SPAG9: variants seen among roughly 807,000 people sequenced by gnomAD.
The protein encoded by SPAG9 is C-Jun-amino-terminal kinase-interacting protein 4.
SPAG9 carries 35 observed loss-of-function variants against 166.5 expected under a neutral mutation model. That is an observed-to-expected ratio of 0.21 (90% CI 0.16 to 0.28). The LOEUF (loss-of-function observed/expected upper bound fraction) is 0.28. Among genes scored for constraint, SPAG9 ranks in the 10% least tolerant of loss-of-function variants. The probability of loss-of-function intolerance (pLI) is 1.00; values close to 1 mark genes in which losing one functional copy is unlikely to be tolerated. For missense variants in SPAG9, 1,235 were observed against 1,603.3 expected (o/e 0.77, Z 3.92); for synonymous variants, 534 against 565.5 (o/e 0.94, Z 0.79).
intron 4 of SPAG9, among the ~76,000 whole-genome samples, chr17:51,044,256 G>A (rs1033344383): frequency 5.3e-5 from 8 of 152,158 alleles, no homozygotes; most frequent in Non-Finnish European, 1.0e-4. Context: ...CATTAGTCCA[G>A]TACTATGTTG....
At chr17:50,972,447 T>C (rs971454309) in intron 28 of SPAG9, among the ~76,000 whole-genome samples, 2 of 152,238 alleles carry the variant, frequency 1.3e-5, no homozygotes, top group African/African-American at 4.8e-5. Flanking sequence ...AAATGTGCTG[T>C]TTGTTCTAAA....
chr17:51,032,201 G>A (rs944869659), intron 5 of SPAG9, among the ~76,000 whole-genome samples: 9 of 152,060 alleles, frequency 5.9e-5, no homozygotes, highest in Middle Eastern at 3.4e-3. Context: ...CACTCCTGTC[G>A]TCCAGGCTGG....
In SPAG9 at chr17:50,979,929, T is replaced by A. The variant is rs1176824716; in HGVS notation, c.3238-12A>T. ...GCATCAAAAGATTTCTAGGAGAGAT[T>A]GTCCAATCACAAAGTTACTTTTGCT... On this transcript the variant is annotated splice_polypyrimidine_tract_variant and intron_variant, in intron 25 of 29. Coordinates refer to ENST00000262013, the MANE Select transcript of SPAG9 (RefSeq NM_001130528.3). The A allele has an allele frequency of 6.2e-7, 1 of 1,605,328 alleles. No homozygotes were observed. The highest frequency in any genetic ancestry group is 1.3e-5 in the African/African-American group (1 of 74,780).
intron 23 of SPAG9, 78 bp downstream of exon 23, chr17:50,985,620 T>G: frequency 1.3e-6 from 1 of 767,800 alleles, no homozygotes; most frequent in South Asian, 1.7e-5. Flanking sequence ...AAACATGTAT[T>G]AGCTTTCAAA....
intron 2 of SPAG9, among the ~76,000 whole-genome samples, chr17:51,058,491 G>A (rs1053500379): frequency 2.0e-5 from 3 of 152,198 alleles, no homozygotes; most frequent in Non-Finnish European, 4.4e-5. Flanking sequence ...TCCAGAATCT[G>A]TGTTCTTAAT....
rs1469642595 is a variant in SPAG9, at chr17:50,964,718, GA to G, written c.*1553del. The G allele has an allele frequency of 2.2e-6, 1 of 450,854 alleles. No individual in the cohort carries two copies. Among genetic ancestry groups the G allele is most frequent in the Admixed American group, 2.4e-5 (1 of 41,714 alleles). The allele number at this position is 450,854 out of a possible 1,614,324, so 27.9% of individuals were successfully genotyped here. On this transcript the variant is annotated 3_prime_UTR_variant, in exon 30 of 30. Coordinates refer to ENST00000262013, the MANE Select transcript of SPAG9 (RefSeq NM_001130528.3). ...TGGTTTTAAAAAACTTATTAAGCAA[GA>G]AAATCAGTGAAATCCAGACTTTAAT...
At chr17:50,982,715 T>C in intron 24 of SPAG9, 43 bp from the exon 25 acceptor site, 2 of 1,506,502 alleles carry the variant, frequency 1.3e-6, no homozygotes, top group Non-Finnish European at 1.8e-6. Context: ...ATACCACCTG[T>C]TACTCAATTT....
In SPAG9 at chr17:51,056,483, C is replaced by G; in HGVS notation, c.425-1G>C. 1 of 1,586,520 alleles carries G rather than the reference C, an allele frequency of 6.3e-7. No homozygotes were observed. The highest frequency in any genetic ancestry group is 8.7e-7 in the Non-Finnish European group (1 of 1,155,794). On this transcript the variant is annotated splice_acceptor_variant, in intron 2 of 29. Coordinates refer to ENST00000262013, the MANE Select transcript of SPAG9 (RefSeq NM_001130528.3). LOFTEE classifies it high-confidence loss of function. ...GCTTCTCTTTCTTCAAGTCTGCTAA[C>G]TGAAATTAAGATACATACACTTGAT...
chr17:51,080,631 C>T (rs1353811760), intron 1 of SPAG9, among the ~76,000 whole-genome samples: 1 of 152,068 alleles, frequency 6.6e-6, no homozygotes, highest in Non-Finnish European at 1.5e-5. Flanking sequence ...GCCTGTAATC[C>T]TAGCACTTTG....
At chr17:51,093,711 A>G (rs866230938) in intron 1 of SPAG9, among the ~76,000 whole-genome samples, 60 of 151,374 alleles carry the variant, frequency 4.0e-4, no homozygotes, top group Non-Finnish European at 6.8e-4. Context: ...AAAAAAAAAA[A>G]AAAAGAAAAT....
chr17:51,033,086 A>AT (rs1426450116), intron 5 of SPAG9, among the ~76,000 whole-genome samples: 4 of 151,642 alleles, frequency 2.6e-5, no homozygotes, highest in East Asian at 1.9e-4. Context: ...AGTTAAGGTG[A>AT]TTTTTTTAAT....
intron 13 of SPAG9, among the ~76,000 whole-genome samples, chr17:51,000,968 A>T (rs978617475): frequency 6.6e-6 from 1 of 152,198 alleles, no homozygotes; most frequent in African/African-American, 2.4e-5. Context: ...CAAATTGTAA[A>T]ATGATATGTT....
intron 1 of SPAG9, among the ~76,000 whole-genome samples, chr17:51,119,216 T>C (rs1217640832): frequency 6.6e-6 from 1 of 152,192 alleles, no homozygotes; most frequent in African/African-American, 2.4e-5. Context: ...TTTAATGGTG[T>C]TACTATTCAG....
chr17:50,996,575 T>C lies in SPAG9; in HGVS notation c.1958A>G (p.Lys653Arg), dbSNP rs1463151443. The change falls in exon 16 of 30, where the codon AAG becomes AGG. Residue 653 changes from lysine to arginine, a missense_variant. Physicochemically the swap from Lys to Arg is conservative, Grantham distance 26. Transcript: ENST00000262013. ...ACATGTGCATATTACCTGTTTGTAC[T>C]TCTGAGGCAGACTCCAGCCAAAAGC... ...VQAFGWSLPQKYKQVTNGQGE... is the reference protein window; with the variant it reads ...VQAFGWSLPQRYKQVTNGQGE... 1 of 1,614,036 alleles carries C rather than the reference T, an allele frequency of 6.2e-7. No individual in the cohort carries two copies. The highest frequency in any genetic ancestry group is 8.5e-7 in the Non-Finnish European group (1 of 1,180,010).
chr17:51,086,837 G>C (rs148052216), intron 1 of SPAG9, among the ~76,000 whole-genome samples: 1 of 152,178 alleles, frequency 6.6e-6, no homozygotes, highest in Non-Finnish European at 1.5e-5. Flanking sequence ...TAGGAAAATT[G>C]CTTGAACCCA....
intron 1 of SPAG9, among the ~76,000 whole-genome samples, chr17:51,092,290 A>C (rs1277870614): frequency 2.5e-4 from 38 of 152,134 alleles, no homozygotes; most frequent in Admixed American, 2.5e-3. Flanking sequence ...ATTTTTTAAC[A>C]CAAATGATTT....
rs1973966316 is a variant in SPAG9 at position 50,973,353 on chromosome 17, A to C, written c.3700+1418T>G. 2.0e-5 allele frequency among the ~76,000 whole-genome samples: 3 copies of C among 152,346 alleles called. No individual in the cohort carries two copies. In the Middle Eastern group the frequency reaches 0.01, roughly 518 times the overall value. ...GGAGAGGGATACAAAGGAGATTTAAAGGAAACTGTGATATTTCATTTTTTT... is the reference window on the plus strand; with the variant it reads ...GGAGAGGGATACAAAGGAGATTTAACGGAAACTGTGATATTTCATTTTTTT... On this transcript the variant is annotated intron_variant, in intron 28 of 29. Coordinates refer to ENST00000262013, the MANE Select transcript of SPAG9 (RefSeq NM_001130528.3).
chr17:51,105,053 G>A (rs954902738), intron 1 of SPAG9, among the ~76,000 whole-genome samples: 5 of 151,964 alleles, frequency 3.3e-5, no homozygotes, highest in South Asian at 2.1e-4. Flanking sequence ...CCGAGATCAC[G>A]CCACTGCACT....
intron 15 of SPAG9, among the ~76,000 whole-genome samples, chr17:50,998,135 G>A (rs1269488403): frequency 2.7e-5 from 4 of 147,314 alleles, no homozygotes; most frequent in Non-Finnish European, 5.9e-5. Flanking sequence ...GGGTTCAAGC[G>A]ATTCTTCTGC....
Sources: allele counts gnomAD v4.1 joint callset (sites outside exome capture counted in the v4.1 genomes callset), GRCh38; gene constraint gnomAD v4.1.1; transcripts MANE v1.5; gene names NCBI Gene and HGNC (gene_info 2026-07-23, HGNC 2026-07-21).